TENM2: variants seen among roughly 807,000 people sequenced by gnomAD.
TENM2 encodes teneurin transmembrane protein 2, also known as teneurin-2.
In TENM2, 52 loss-of-function variants were observed where a neutral mutation model predicts 245.2. The ratio of observed to expected loss-of-function variants is 0.21; its 90% confidence interval spans 0.17 to 0.27. The LOEUF is 0.27. TENM2 is among the 10% of genes least tolerant of loss of function. TENM2 has a pLI of 1.00. For missense variants in TENM2, 3,046 were observed against 3,666.8 expected, an observed-to-expected ratio of 0.83 and a Z score of 4.37; for synonymous variants, 1,363 against 1,438.9, an observed-to-expected ratio of 0.95 and a Z score of 1.19.
At chr5:167,972,858 A>G (rs1417694569) in intron 4 of TENM2, among the ~76,000 whole-genome samples, 1 of 152,186 alleles carries the variant, frequency 6.6e-6, no homozygotes, top group African/African-American at 2.4e-5. Flanking sequence ...TTAATGCCAG[A>G]TATAGTATGA....
chr5:168,140,093 T>C (rs192828801), intron 12 of TENM2, among the ~76,000 whole-genome samples: 99 of 152,320 alleles, frequency 6.5e-4, no homozygotes, highest in African/African-American at 2.2e-3. Context: ...TGGCTTCTCT[T>C]GTTTGATGCC....
chr5:167,831,205 T>C (rs6883993), intron 2 of TENM2, among the ~76,000 whole-genome samples: 6,912 of 152,222 alleles, frequency 0.045, 499 homozygotes, highest in African/African-American at 0.15. Flanking sequence ...AAATTTTGAA[T>C]TGTATACATT....
the TENM2 span, among the ~76,000 whole-genome samples, chr5:167,277,311 T>G: frequency 6.6e-6 from 1 of 152,182 alleles, no homozygotes; most frequent in Non-Finnish European, 1.5e-5. Flanking sequence ...TATTGTAGTT[T>G]CATTTTTATT....
chr5:168,248,873 C>G (rs1766838014), intron 27 of TENM2, among the ~76,000 whole-genome samples: 1 of 152,184 alleles, frequency 6.6e-6, no homozygotes, highest in Non-Finnish European at 1.5e-5. Flanking sequence ...AATCCCAGCA[C>G]TTTGAGAGGC....
the TENM2 span, among the ~76,000 whole-genome samples, chr5:167,185,895 T>C: frequency 6.6e-6 from 1 of 152,114 alleles, no homozygotes; most frequent in African/African-American, 2.4e-5. Context: ...CTCCTAAGGT[T>C]TGTACACACG....
intron 2 of TENM2, among the ~76,000 whole-genome samples, chr5:167,519,456 A>G (rs1375332243): frequency 6.6e-6 from 1 of 152,154 alleles, no homozygotes; most frequent in Non-Finnish European, 1.5e-5. Flanking sequence ...CAGACATTGA[A>G]TTATTAAACT....
At chr5:167,281,860 T>C (rs1231073570), upstream of TENM2, among the ~76,000 whole-genome samples, 3 of 151,494 alleles carry the variant, frequency 2.0e-5, no homozygotes, top group African/African-American at 7.3e-5. Flanking sequence ...ATTAGCCAAG[T>C]GTGGTGGTGG....
At chr5:167,819,530 C>T (rs1767334265) in intron 2 of TENM2, among the ~76,000 whole-genome samples, 1 of 152,164 alleles carries the variant, frequency 6.6e-6, no homozygotes, top group Non-Finnish European at 1.5e-5. Flanking sequence ...GTGCCTGGGG[C>T]TTTCACAAAG....
At chr5:167,809,578 A>G (rs1320942479) in intron 2 of TENM2, among the ~76,000 whole-genome samples, 3 of 152,154 alleles carry the variant, frequency 2.0e-5, no homozygotes, top group Middle Eastern at 3.2e-3. Context: ...AAGTTTTCTG[A>G]ATAGTCTTTC....
At chr5:167,338,860 G>T (rs944038020) in intron 1 of TENM2, among the ~76,000 whole-genome samples, 1 of 152,152 alleles carries the variant, frequency 6.6e-6, no homozygotes, top group Non-Finnish European at 1.5e-5. Flanking sequence ...GCATTCACAC[G>T]TGACAGAAAG....
the TENM2 span, among the ~76,000 whole-genome samples, chr5:166,980,495 A>G: frequency 1.3e-5 from 2 of 152,226 alleles, no homozygotes; most frequent in South Asian, 2.1e-4. Context: ...AAAAATTAAT[A>G]TACAACAGCT....
chr5:167,086,543 G>A, the TENM2 span, among the ~76,000 whole-genome samples: 2 of 152,078 alleles, frequency 1.3e-5, no homozygotes, highest in East Asian at 1.9e-4. Flanking sequence ...AAATGCATAG[G>A]AGCCAGCTGC....
intron 3 of TENM2, among the ~76,000 whole-genome samples, chr5:167,947,991 T>C (rs779822715): frequency 1.3e-5 from 2 of 152,230 alleles, no homozygotes; most frequent in Non-Finnish European, 2.9e-5. Context: ...TTGTCGATGC[T>C]TGGCAAAAGT....
At chr5:168,200,192 A>G (rs1761811203) in intron 17 of TENM2, 61 bp downstream of exon 19, 2 of 1,485,568 alleles carry the variant, frequency 1.3e-6, no homozygotes, top group Non-Finnish European at 1.8e-6. Flanking sequence ...AATTCGACCC[A>G]TATTTATTGA....
chr5:167,195,299 A>G, the TENM2 span, among the ~76,000 whole-genome samples: 1 of 152,060 alleles, frequency 6.6e-6, no homozygotes, highest in Non-Finnish European at 1.5e-5. Context: ...GCTTAAGTTA[A>G]TGTGTCCAAT....
chr5:167,785,872 C>T (rs572903501), intron 2 of TENM2, among the ~76,000 whole-genome samples: 18 of 152,234 alleles, frequency 1.2e-4, no homozygotes, highest in South Asian at 8.3e-4. Flanking sequence ...AATTTCTGTC[C>T]ATCCCTCAGG....
At chr5:168,020,137 G>A (rs968229789) in intron 5 of TENM2, among the ~76,000 whole-genome samples, 1 of 152,178 alleles carries the variant, frequency 6.6e-6, no homozygotes, top group Non-Finnish European at 1.5e-5. Flanking sequence ...AGAATGTCGA[G>A]GATGTAGGTC....
the TENM2 span, among the ~76,000 whole-genome samples, chr5:167,273,520 C>T: frequency 8.5e-5 from 13 of 152,226 alleles, no homozygotes; most frequent in Non-Finnish European, 1.9e-4. Context: ...GCAATAAATA[C>T]ATTTATTAAA....
chr5:167,873,938 A>G (rs952635351), intron 2 of TENM2, among the ~76,000 whole-genome samples: 12 of 152,138 alleles, frequency 7.9e-5, no homozygotes, highest in African/African-American at 2.9e-4. Flanking sequence ...CTAACATTTA[A>G]GCTTTAAGAG....
Sources: allele counts gnomAD v4.1 joint callset (sites outside exome capture counted in the v4.1 genomes callset), GRCh38; gene constraint gnomAD v4.1.1; transcripts MANE v1.5; gene names NCBI Gene and HGNC (gene_info 2026-07-23, HGNC 2026-07-21).